The following ACAD10 variants were observed in gnomAD, a reference collection of about 807,000 sequenced individuals.
ACAD10 encodes ACAD-10.
A neutral mutation model predicts 116.8 loss-of-function variants in ACAD10; 112 were observed. The observed-to-expected ratio is 0.96, with a 90% CI of 0.82 to 1.12. The LOEUF (loss-of-function observed/expected upper bound fraction) is 1.12, where lower values mean the gene tolerates loss of function less well. Ranked by LOEUF, ACAD10 falls within the 50% of genes most tolerant of loss-of-function variation. ACAD10 has a pLI of 0.00. For synonymous variants in ACAD10, 486 were observed against 510.6 expected, an observed-to-expected ratio of 0.95 and a Z score of 0.65; for missense variants, 1,259 against 1,350.2, an observed-to-expected ratio of 0.93 and a Z score of 1.06.
At chr12:111,710,055 C>A in intron 5 of ACAD10, 1 of 329,234 alleles carries the variant, frequency 3.0e-6, no homozygotes, top group Non-Finnish European at 5.8e-6. Context: ...CACGAGAAGC[C>A]ATGTGAGGGG....
At chr12:111,723,573 G>A (rs1372008035) in intron 8 of ACAD10, among the ~76,000 whole-genome samples, 83 of 134,272 alleles carry the variant, frequency 6.2e-4, no homozygotes, top group Middle Eastern at 6.0e-3. Flanking sequence ...CTCCCGGACG[G>A]GGTGGCTGGC....
chr12:111,725,932 A>G (rs981551335), intron 8 of ACAD10, among the ~76,000 whole-genome samples: 1 of 152,258 alleles, frequency 6.6e-6, no homozygotes, highest in Middle Eastern at 3.4e-3. Flanking sequence ...CCCCAATCCA[A>G]AACATCTTTT....
At chr12:111,730,042 A>G in intron 10 of ACAD10, 86 bp downstream of exon 10, 1 of 1,502,522 alleles carries the variant, frequency 6.7e-7, no homozygotes, top group Non-Finnish European at 9.0e-7. Context: ...TGCAATTTAC[A>G]GCTGGGAATT....
chr12:111,727,260 C>T (rs1889241471), intron 8 of ACAD10, among the ~76,000 whole-genome samples: 1 of 149,590 alleles, frequency 6.7e-6, no homozygotes, highest in Non-Finnish European at 1.5e-5. Flanking sequence ...AGCAGTGGCT[C>T]ACGCCTATAA....
At chr12:111,711,341 C>T (rs1888673888) in intron 5 of ACAD10, among the ~76,000 whole-genome samples, 1 of 151,716 alleles carries the variant, frequency 6.6e-6, no homozygotes, top group Non-Finnish European at 1.5e-5. Flanking sequence ...GCTGGGACTA[C>T]AGGCATCCAC....
At chr12:111,700,153 A>T (rs900201473) in intron 2 of ACAD10, among the ~76,000 whole-genome samples, 1 of 151,346 alleles carries the variant, frequency 6.6e-6, no homozygotes, top group Admixed American at 6.6e-5. Context: ...CAGGAGTTTG[A>T]GGCCAGCCTG....
intron 1 of ACAD10, chr12:111,687,988 C>T (rs1373710369): frequency 2.0e-5 from 3 of 152,072 alleles, no homozygotes; most frequent in Non-Finnish European, 4.4e-5. Flanking sequence ...GCCTCAGTCT[C>T]CCAAGTAGCT....
intron 3 of ACAD10, among the ~76,000 whole-genome samples, chr12:111,703,177 C>T (rs1285434188): frequency 6.6e-6 from 1 of 151,284 alleles, no homozygotes; most frequent in East Asian, 1.9e-4. Flanking sequence ...ATGAAGGATA[C>T]GAATGAACAG....
intron 3 of ACAD10, among the ~76,000 whole-genome samples, chr12:111,703,401 C>T (rs1011776354): frequency 9.2e-5 from 14 of 152,072 alleles, no homozygotes; most frequent in Non-Finnish European, 1.6e-4. Flanking sequence ...GTGCACTGTT[C>T]TAAGCTCTTT....
Position 111,753,784 on chromosome 12 carries a change from T to C in ACAD10, c.2830T>C (p.Leu944=), listed in dbSNP as rs1890135696. 6.2e-7 allele frequency: 1 copy of C among 1,613,978 alleles called. No homozygotes were observed. The change falls in exon 19 of 21, where the codon TTG becomes CTG. Residue 944 remains leucine (L), a synonymous_variant. Coordinates refer to ENST00000313698, the MANE Select transcript of ACAD10 (RefSeq NM_025247.6). Reference sequence around the variant, plus strand: ...CCTGTGTCGACAGGTGAAGTCCCGCTTGGCTTTTGGGAAGCCCCTGGTGGA... The same window carrying C: ...CCTGTGTCGACAGGTGAAGTCCCGCCTGGCTTTTGGGAAGCCCCTGGTGGA... ...ALMKARVKSR[L]AFGKPLVEQG...
At chr12:111,710,820 G>C (rs957853459) in intron 5 of ACAD10, among the ~76,000 whole-genome samples, 1 of 152,040 alleles carries the variant, frequency 6.6e-6, no homozygotes, top group Non-Finnish European at 1.5e-5. Flanking sequence ...CTAGGTTGCC[G>C]AGGGCTTTGA....
intron 9 of ACAD10, 100 bp downstream of exon 9, chr12:111,728,243 C>T (rs1391874908): frequency 1.7e-6 from 2 of 1,201,174 alleles, no homozygotes; most frequent in African/African-American, 1.5e-5. Context: ...ATTAGCACAC[C>T]AAGCGTAAGG....
chr12:111,745,181 A>G, intron 13 of ACAD10, 138 bp downstream of exon 13: 1 of 964,912 alleles, frequency 1.0e-6, no homozygotes, highest in South Asian at 1.8e-5. Flanking sequence ...CCATCGTCTC[A>G]GAAAGAGCCA....
Position 111,748,321 on chromosome 12 carries a change from C to G in ACAD10, c.2490C>G (p.Ile830Met), listed in dbSNP as rs1036490185. 1 of 1,613,988 alleles carries G rather than the reference C, an allele frequency of 6.2e-7. No homozygotes were observed. The highest frequency in any genetic ancestry group is 1.3e-5 in the African/African-American group (1 of 74,902). Residue 830 changes from isoleucine to methionine, a missense_variant, in exon 17 of 21, where the codon ATC (isoleucine) becomes ATG (methionine). Physicochemically the swap from Ile to Met is conservative, Grantham distance 10. Transcript: ENST00000313698. The stretch of plus-strand genomic sequence containing the variant: ...GTCTCTCTCCTTTCCTGGCAGGCAT[C>G]CTGGATCCTCGTTGCCAACTCTGTG... The part of the protein sequence containing the change: ...INGHKWWITG[I>M]LDPRCQLCVF...
At position 111,705,807 on chromosome 12, in the gene ACAD10, C is replaced by T; in HGVS notation, c.406C>T (p.Pro136Ser). 6.2e-7 allele frequency: 1 copy of T among 1,614,138 alleles called. No individual in the cohort carries two copies. Among genetic ancestry groups the T allele is most frequent in the Middle Eastern group, 1.6e-4 (1 of 6,062 alleles). Residue 136 changes from proline to serine, a missense_variant, in exon 4 of 21, where the codon CCA becomes TCA. Coordinates refer to ENST00000313698, the MANE Select transcript of ACAD10 (RefSeq NM_025247.6). ...LTSERVAKQFPVMTEAITQIR... is the reference protein window; with the variant it reads ...LTSERVAKQFSVMTEAITQIR... ...CAGTGAGCGAGTGGCAAAGCAGTTC[C>T]CAGTGATGACTGAGGCCATAACTCA...
intron 17 of ACAD10, chr12:111,748,947 A>G: frequency 6.8e-7 from 1 of 1,477,194 alleles, no homozygotes; most frequent in Non-Finnish European, 9.3e-7. Flanking sequence ...ATGTTTTTAT[A>G]AAAGGAATCA....
chr12:111,686,696 A>G (rs1887868556), intron 1 of ACAD10, among the ~76,000 whole-genome samples: 1 of 151,890 alleles, frequency 6.6e-6, no homozygotes, highest in Admixed American at 6.6e-5. Context: ...CGCCTGGGCA[A>G]CAAGAGCGAA....
intron 8 of ACAD10, among the ~76,000 whole-genome samples, chr12:111,724,126 G>A (rs1033902157): frequency 6.8e-6 from 1 of 147,358 alleles, no homozygotes; most frequent in Non-Finnish European, 1.5e-5. Context: ...GGGCGGATAC[G>A]CTCCTCACTT....
At position 111,744,717 on chromosome 12, in the gene ACAD10, G is replaced by C; in HGVS notation, c.1789G>C (p.Ala597Pro). The change falls in exon 13 of 21, where the codon GCA becomes CCA. Residue 597 changes from alanine to proline, a missense_variant. Coordinates refer to ENST00000313698, the MANE Select transcript of ACAD10 (RefSeq NM_025247.6). ...TGTGTCTAACCTGGCGTGGGATTTC[G>C]CAGTCAAAGAAGGGTTCCGGGTTTT... ...EFVSNLAWDF[A>P]VKEGFRVFKE... The C allele has an allele frequency of 6.2e-7, 1 of 1,614,200 alleles. No individual in the cohort carries two copies.
Sources: gnomAD v4.1 joint callset for allele counts (sites outside exome capture counted in the v4.1 genomes callset) on GRCh38, gnomAD v4.1.1 for gene constraint, MANE v1.5 for transcripts, NCBI Gene and HGNC (gene_info 2026-07-23, HGNC 2026-07-21) for gene names.